SMNDC1: variants seen among roughly 807,000 people sequenced by gnomAD.
SMNDC1 encodes the protein survival of motor neuron-related-splicing factor 30.
In SMNDC1, 5 loss-of-function variants were observed where a neutral mutation model predicts 29.2. The observed-to-expected ratio is 0.17, with a 90% CI of 0.09 to 0.36. SMNDC1 has a LOEUF of 0.36. SMNDC1 is among the 10% of genes least tolerant of loss of function. The probability of loss-of-function intolerance (pLI) is 1.00; values close to 1 mark genes in which losing one functional copy is unlikely to be tolerated. For missense variants in SMNDC1, 142 were observed against 268.5 expected (o/e 0.53, Z 3.29); for synonymous variants, 80 against 89.9 (o/e 0.89, Z 0.62).
intron 2 of SMNDC1, chr10:110,300,797 A>C: frequency 1.3e-6 from 1 of 760,212 alleles, no homozygotes; most frequent in Non-Finnish European, 1.6e-6. Flanking sequence ...TTATTCAGCA[A>C]AACAGCCTAA....
At position 110,293,764 on chromosome 10, in the gene SMNDC1, T is replaced by C. The variant is rs1395884181; in HGVS notation, c.*386A>G. 6.5e-6 allele frequency: 1 copy of C among 154,352 alleles called. No individual in the cohort carries two copies. 9.6% of individuals were successfully genotyped at this position (154,352 alleles called of 1,614,324 possible). On this transcript the variant is annotated 3_prime_UTR_variant, in exon 6 of 6. Coordinates refer to ENST00000369603, the MANE Select transcript of SMNDC1 (RefSeq NM_005871.4). ...TAGCAGGTTGGTGTTTTTGCCTTGGTGTTCCAATGAATTGCTAGAGTATGT... is the reference window on the plus strand; with the variant it reads ...TAGCAGGTTGGTGTTTTTGCCTTGGCGTTCCAATGAATTGCTAGAGTATGT...
intron 3 of SMNDC1, 99 bp downstream of exon 3, chr10:110,298,549 G>T: frequency 1.0e-6 from 1 of 976,858 alleles, no homozygotes; most frequent in Non-Finnish European, 1.5e-6. Flanking sequence ...CCTAATAGAA[G>T]TCAAGATTAA....
In SMNDC1 at chr10:110,295,210, G is replaced by A; in HGVS notation, c.579+18C>T. On this transcript the variant is annotated intron_variant, in intron 5 of 5. Transcript: ENST00000369603. Reference sequence around the variant, plus strand: ...GTTGCATTTCTCAAATTTACAAAGTGTAAAAAGATTTACCAACCTGGCCTT... The same window carrying A: ...GTTGCATTTCTCAAATTTACAAAGTATAAAAAGATTTACCAACCTGGCCTT... 1 of 1,573,400 alleles carries A rather than the reference G, an allele frequency of 6.4e-7. No individual in the cohort carries two copies. Among genetic ancestry groups the A allele is most frequent in the Non-Finnish European group, 8.6e-7 (1 of 1,167,444 alleles).
At chr10:110,296,897 T>C (rs538314804) in intron 4 of SMNDC1, among the ~76,000 whole-genome samples, 1 of 152,336 alleles carries the variant, frequency 6.6e-6, no homozygotes, top group East Asian at 1.9e-4. Context: ...TGTAAAGAAC[T>C]GTTACAAGCT....
At position 110,293,764 on chromosome 10, in the gene SMNDC1, T is replaced by G. The variant is rs1395884181; in HGVS notation, c.*386A>C. The G allele has an allele frequency of 6.5e-6, 1 of 154,352 alleles. No individual in the cohort carries two copies. Among genetic ancestry groups the G allele is most frequent in the Non-Finnish European group, 1.4e-5 (1 of 69,592 alleles). 9.6% of individuals were successfully genotyped at this position (154,352 alleles called of 1,614,324 possible). ...TAGCAGGTTGGTGTTTTTGCCTTGG[T>G]GTTCCAATGAATTGCTAGAGTATGT... is the stretch of plus-strand genomic sequence containing the variant. On this transcript the variant is annotated 3_prime_UTR_variant, in exon 6 of 6. Coordinates refer to ENST00000369603, the MANE Select transcript of SMNDC1 (RefSeq NM_005871.4).
At chr10:110,300,325 G>A (rs1158716404) in intron 2 of SMNDC1, among the ~76,000 whole-genome samples, 2 of 152,172 alleles carry the variant, frequency 1.3e-5, no homozygotes, top group Non-Finnish European at 2.9e-5. Context: ...GTCCTGAAAA[G>A]CTGTGCATAT....
chr10:110,295,154 CTCTTT>C (rs986488015), intron 5 of SMNDC1, 69 bp downstream of exon 5: 1 of 1,373,402 alleles, frequency 7.3e-7, no homozygotes, highest in African/African-American at 1.5e-5. Context: ...AAATCTCCAT[CTCTTT>C]TCATTTTAAA....
chr10:110,295,449 C>G, intron 4 of SMNDC1, 68 bp from the exon 5 acceptor site: 1 of 1,296,552 alleles, frequency 7.7e-7, no homozygotes, highest in Non-Finnish European at 1.0e-6. Context: ...CTTGAAGACA[C>G]CGGCAGTGCA....
At chr10:110,301,749 T>A (rs1333880123) in intron 2 of SMNDC1, among the ~76,000 whole-genome samples, 1 of 152,152 alleles carries the variant, frequency 6.6e-6, no homozygotes, top group Non-Finnish European at 1.5e-5. Flanking sequence ...GAGGATACTT[T>A]ACAGAAAAAT....
chr10:110,298,810 A>G lies in SMNDC1; in HGVS notation c.121-20T>C. The G allele has an allele frequency of 1.3e-6, 2 of 1,576,836 alleles. No homozygotes were observed. The highest frequency in any genetic ancestry group is 4.5e-5 in the East Asian group (2 of 44,522). ...AACTTCCTAAAAAAGAAAAACAAAA[A>G]CTACAACATTATTTTTATAATTCTC... On this transcript the variant is annotated intron_variant, in intron 2 of 5. Coordinates refer to ENST00000369603, the MANE Select transcript of SMNDC1 (RefSeq NM_005871.4).
At position 110,293,467 on chromosome 10, in the gene SMNDC1, AAAAC is replaced by A. The variant is rs1857522759; in HGVS notation, c.*679_*682del. The stretch of plus-strand genomic sequence containing the variant: ...CATGGTACCACTGCCGTAAATGGAA[AAAAC>A]AAAAAACAGGAAAAAAGCAAACATA... On this transcript the variant is annotated 3_prime_UTR_variant, in exon 6 of 6. Transcript: ENST00000369603. 6.6e-6 allele frequency: 1 copy of A among 152,588 alleles called. No homozygotes were observed. Among genetic ancestry groups the A allele is most frequent in the Non-Finnish European group, 1.5e-5 (1 of 68,036 alleles). The allele number at this position is 152,588 out of a possible 1,614,324, so 9.5% of individuals were successfully genotyped here.
At chr10:110,300,248 T>A (rs1857626228) in intron 2 of SMNDC1, among the ~76,000 whole-genome samples, 1 of 152,236 alleles carries the variant, frequency 6.6e-6, no homozygotes, top group South Asian at 2.1e-4. Context: ...AGAACTCTAT[T>A]TCTTTTAGGA....
At chr10:110,295,468 A>G (rs1857551824) in intron 4 of SMNDC1, 87 bp from the exon 5 acceptor site, 1 of 991,132 alleles carries the variant, frequency 1.0e-6, no homozygotes, top group Admixed American at 3.3e-5. Context: ...CAAAAAAAAA[A>G]TCTAATAAAC....
At chr10:110,302,472 T>A (rs1857667752) in intron 2 of SMNDC1, among the ~76,000 whole-genome samples, 1 of 152,188 alleles carries the variant, frequency 6.6e-6, no homozygotes, top group Non-Finnish European at 1.5e-5. Context: ...GATAAGCAGT[T>A]CCAGAATCCC....
In SMNDC1 at chr10:110,293,990, AT is replaced by A; in HGVS notation, c.*159del. 3.7e-6 allele frequency: 2 copies of A among 541,194 alleles called. No individual in the cohort carries two copies. Among genetic ancestry groups the A allele is most frequent in the Non-Finnish European group, 6.2e-6 (2 of 322,412 alleles). The allele number at this position is 541,194 out of a possible 1,614,324, so 33.5% of individuals were successfully genotyped here. A position where few individuals can be genotyped will look rare whatever the true frequency, so the allele number is the denominator to read the frequency against. The stretch of plus-strand genomic sequence containing the variant: ...GAGAAAAGTTAAATGAATAGCAGTT[AT>A]CAAATGCAATTTCTTCACGTTTCAT... On this transcript the variant is annotated 3_prime_UTR_variant, in exon 6 of 6. Coordinates refer to ENST00000369603, the MANE Select transcript of SMNDC1 (RefSeq NM_005871.4).
intron 2 of SMNDC1, among the ~76,000 whole-genome samples, chr10:110,302,335 C>G (rs982414005): frequency 6.6e-6 from 1 of 152,108 alleles, no homozygotes; most frequent in Non-Finnish European, 1.5e-5. Context: ...TTCTACGTAT[C>G]GAAGAGGGGT....
Position 110,304,815 on chromosome 10 carries a change from TGGCAGC to T in SMNDC1, c.-74_-69del, listed in dbSNP as rs1857721761. 1 of 152,326 alleles carries T rather than the reference TGGCAGC, an allele frequency of 6.6e-6. No homozygotes were observed. The highest frequency in any genetic ancestry group is 1.5e-5 in the Non-Finnish European group (1 of 68,586). The allele number at this position is 152,326 out of a possible 1,614,324, so 9.4% of individuals were successfully genotyped here. ...CAAATGAGCCCAGTGGTAGTGGCGG[TGGCAGC>T]AGCAGCAGTAGCAGTAGCAGGAAAA... On this transcript the variant is annotated 5_prime_UTR_variant, in exon 1 of 6. Coordinates refer to ENST00000369603, the MANE Select transcript of SMNDC1 (RefSeq NM_005871.4).
At chr10:110,296,477 A>G (rs1476462297) in intron 4 of SMNDC1, among the ~76,000 whole-genome samples, 1 of 152,246 alleles carries the variant, frequency 6.6e-6, no homozygotes, top group Non-Finnish European at 1.5e-5. Flanking sequence ...ATAAATATGT[A>G]GCAACTTAAG....
intron 2 of SMNDC1, among the ~76,000 whole-genome samples, chr10:110,299,748 T>C (rs749705850): frequency 6.6e-6 from 1 of 152,238 alleles, no homozygotes; most frequent in African/African-American, 2.4e-5. Context: ...TTTCTTCTAG[T>C]TCCCACTGAG....
Sources: allele counts gnomAD v4.1 joint callset (sites outside exome capture counted in the v4.1 genomes callset), GRCh38; gene constraint gnomAD v4.1.1; transcripts MANE v1.5; gene names NCBI Gene and HGNC (gene_info 2026-07-23, HGNC 2026-07-21).